The following ANKMY1 variants were observed in gnomAD, a reference collection of about 807,000 sequenced individuals.
The protein encoded by ANKMY1 is ankyrin repeat and MYND domain containing 1.
ANKMY1 carries 98 observed loss-of-function variants against 102.0 expected under a neutral mutation model. That is an observed-to-expected ratio of 0.96 (90% CI 0.82 to 1.14). The LOEUF (loss-of-function observed/expected upper bound fraction) is 1.14. Among genes scored for constraint, ANKMY1 ranks in the 50% most tolerant of loss-of-function variants. The pLI is 0.00. For synonymous variants in ANKMY1, 582 were observed against 559.9 expected, an observed-to-expected ratio of 1.04 and a Z score of -0.56; for missense variants, 1,330 against 1,347.6, an observed-to-expected ratio of 0.99 and a Z score of 0.20.
Position 240,525,552 on chromosome 2 carries a change from C to T in ANKMY1, c.1335+133G>A. 6.8e-6 allele frequency: 8 copies of T among 1,175,200 alleles called. No homozygotes were observed. The South Asian group carries it at 8.0e-5, about 12-fold the overall frequency. 72.8% of individuals were successfully genotyped at this position (1,175,200 alleles called of 1,614,324 possible). On this transcript the variant is annotated intron_variant, in intron 7 of 17. Transcript: ENST00000401804. ...GGATGCCCAGGCTCTGTCTCTCTTG[C>T]CCACTCCCTGCCTTATAACTCACCC...
At chr2:240,543,993 A>AC (rs2089669131) in intron 4 of ANKMY1, among the ~76,000 whole-genome samples, 1 of 152,210 alleles carries the variant, frequency 6.6e-6, no homozygotes, top group Admixed American at 6.5e-5. Context: ...AATTCTGTAT[A>AC]TAAAATATAC....
chr2:240,475,237 A>G (rs374888292), downstream of ANKMY1, among the ~76,000 whole-genome samples: 2 of 152,198 alleles, frequency 1.3e-5, no homozygotes, highest in Non-Finnish European at 2.9e-5. Context: ...AAGAGTGGAC[A>G]TGATCTCTTA....
chr2:240,501,695 C>T (rs1287006495), intron 13 of ANKMY1, among the ~76,000 whole-genome samples: 1 of 152,246 alleles, frequency 6.6e-6, no homozygotes, highest in Non-Finnish European at 1.5e-5. Flanking sequence ...CACAACGCCT[C>T]GGGCATGGCA....
chr2:240,474,477 G>A (rs185568687), downstream of ANKMY1, among the ~76,000 whole-genome samples: 1 of 151,972 alleles, frequency 6.6e-6, no homozygotes, highest in Non-Finnish European at 1.5e-5. Flanking sequence ...AGGTAAACTC[G>A]TGTCATGGGG....
chr2:240,557,189 C>T lies in ANKMY1; in HGVS notation c.146+1G>A, dbSNP rs764562522. The T allele has an allele frequency of 1.7e-5, 26 of 1,521,644 alleles. No individual in the cohort carries two copies. The South Asian group carries it at 3.0e-4, about 17-fold the overall frequency. The allele number at this position is 1,521,644 out of a possible 1,614,324, so 94.3% of individuals were successfully genotyped here. ...CCTCCCCGCTGGAGGGTCCCCCGCA[C>T]CTTGTGGCGAAGACAGCGTAGTTCT... On this transcript the variant is annotated splice_donor_variant, in intron 2 of 17. Transcript: ENST00000401804. LOFTEE classifies it high-confidence loss of function.
At chr2:240,495,411 T>C (rs2077128343) in intron 15 of ANKMY1, among the ~76,000 whole-genome samples, 1 of 152,198 alleles carries the variant, frequency 6.6e-6, no homozygotes, top group South Asian at 2.1e-4. Flanking sequence ...TCCACTTTCA[T>C]GTTCCACCCT....
chr2:240,481,006 T>G lies in ANKMY1; in HGVS notation c.2977A>C (p.Ser993Arg). 1 of 1,614,002 alleles carries G rather than the reference T, an allele frequency of 6.2e-7. No individual in the cohort carries two copies. The highest frequency in any genetic ancestry group is 8.5e-7 in the Non-Finnish European group (1 of 1,179,902). ...CAGGCCTTGGTCTTGCAGTACTTGC[T>G]GCAGGTCAGGATCCCGTAGCAGCGA... ...CPRCYGILTC[S>R]KYCKTKAWTE... Residue 993 changes from serine to arginine, a missense_variant, in exon 17 of 18, where the codon AGC becomes CGC. Ser to Arg is a moderately radical substitution (Grantham distance 110). Transcript: ENST00000401804.
Position 240,506,163 on chromosome 2 carries a change from C to T in ANKMY1, c.2526+1397G>A, listed in dbSNP as rs2079037486. On this transcript the variant is annotated intron_variant, in intron 13 of 17. Transcript: ENST00000401804. The surrounding 1 kb of genome is among the most constrained non-coding windows in gnomAD (Gnocchi z 4.9). Reference sequence around the variant, plus strand: ...ACCCCGGATGAGGCGCTGGGAGCCCCCAACCCCGGACGAAGGACTATTCTG... The same window carrying T: ...ACCCCGGATGAGGCGCTGGGAGCCCTCAACCCCGGACGAAGGACTATTCTG... Among the ~76,000 whole-genome samples, 1 of 152,150 alleles carries T rather than the reference C, an allele frequency of 6.6e-6. No homozygotes were observed. Among genetic ancestry groups the T allele is most frequent in the Admixed American group, 6.5e-5 (1 of 15,274 alleles).
intron 15 of ANKMY1, among the ~76,000 whole-genome samples, chr2:240,482,902 T>G (rs35732512): frequency 0.046 from 6,992 of 152,292 alleles, 200 homozygotes; most frequent in South Asian, 0.083. Flanking sequence ...CATTTCTGAC[T>G]ATTATTGTTG....
At chr2:240,512,547 C>T (rs962854694) in intron 10 of ANKMY1, among the ~76,000 whole-genome samples, 2 of 152,256 alleles carry the variant, frequency 1.3e-5, no homozygotes, top group Non-Finnish European at 2.9e-5. Flanking sequence ...GGGACCCCCA[C>T]GCCCTGTGGA....
chr2:240,526,848 A>T, intron 5 of ANKMY1: 1 of 1,168,624 alleles, frequency 8.6e-7, no homozygotes, highest in Non-Finnish European at 1.1e-6. Context: ...CCCTCTGCTC[A>T]TCCATTTTTG....
At chr2:240,477,430 T>TAGAGATG (rs1437393137), downstream of ANKMY1, among the ~76,000 whole-genome samples, 6 of 152,256 alleles carry the variant, frequency 3.9e-5, no homozygotes, top group African/African-American at 1.2e-4. Context: ...TTAGCATCTT[T>TAGAGATG]CTCTCATCCA....
intron 9 of ANKMY1, among the ~76,000 whole-genome samples, chr2:240,513,767 G>C (rs551146332): frequency 5.3e-5 from 8 of 152,244 alleles, no homozygotes; most frequent in Non-Finnish European, 7.3e-5. Flanking sequence ...TACTATCCCA[G>C]CTTGACAGCA....
chr2:240,555,071 CAGA>C lies in ANKMY1; in HGVS notation c.147-19_147-17del, dbSNP rs750918496. The stretch of plus-strand genomic sequence containing the variant: ...TGAAACATCCCTAAAAGGACAGGAG[CAGA>C]AGGAGGGAAGAGTGAAGTGGCTGCA... On this transcript the variant is annotated splice_polypyrimidine_tract_variant and intron_variant, in intron 2 of 17. Coordinates refer to ENST00000401804, the MANE Select transcript of ANKMY1 (RefSeq NM_001282771.3). 54 of 1,612,742 alleles carry C rather than the reference CAGA, an allele frequency of 3.3e-5. No homozygotes were observed. Among genetic ancestry groups the C allele is most frequent in the Admixed American group, 2.8e-4 (17 of 59,962 alleles).
chr2:240,560,587 G>A (rs1055551704), upstream of ANKMY1: 1 of 1,323,478 alleles, frequency 7.6e-7, no homozygotes, highest in Non-Finnish European at 9.6e-7. Context: ...GGGGGCGCCC[G>A]GCGGCCCGCC....
intron 4 of ANKMY1, among the ~76,000 whole-genome samples, chr2:240,535,316 T>G (rs2086455040): frequency 6.6e-6 from 1 of 152,230 alleles, no homozygotes; most frequent in East Asian, 1.9e-4. Flanking sequence ...ATTTTCTGGT[T>G]GACAATTGGT....
rs777607206 is a variant in ANKMY1, at chr2:240,512,909, C to T, written c.2038G>A (p.Ala680Thr). Reference protein sequence around the residue: ...STLTPLHIAAALPGEEGVQIV... With the variant: ...STLTPLHIAATLPGEEGVQIV... The stretch of plus-strand genomic sequence containing the variant: ...TGTACCCCCTCCTCCCCAGGAAGGG[C>T]GGCAGCGATGTGGAGTGGTGTCAGG... Residue 680 changes from alanine to threonine, a missense_variant, in exon 10 of 18, where the codon GCC becomes ACC. By Grantham distance (58) the Ala-to-Thr change is moderately conservative (BLOSUM62 0). Transcript: ENST00000401804. 29 of 1,613,826 alleles carry T rather than the reference C, an allele frequency of 1.8e-5. No homozygotes were observed. Among genetic ancestry groups the T allele is most frequent in the African/African-American group, 4.0e-5 (3 of 74,926 alleles).
At chr2:240,494,708 C>G (rs567260989) in intron 15 of ANKMY1, among the ~76,000 whole-genome samples, 12 of 152,246 alleles carry the variant, frequency 7.9e-5, no homozygotes, top group African/African-American at 2.6e-4. Context: ...TTCCATCCCA[C>G]AGTCTCCTGG....
At chr2:240,475,543 C>CT (rs1291737200), downstream of ANKMY1, among the ~76,000 whole-genome samples, 1 of 151,770 alleles carries the variant, frequency 6.6e-6, no homozygotes, top group Non-Finnish European at 1.5e-5. Context: ...AAATAAAATA[C>CT]TTAGCAATAA....
Sources: allele counts gnomAD v4.1 joint callset (sites outside exome capture counted in the v4.1 genomes callset), GRCh38; gene constraint gnomAD v4.1.1; non-coding constraint Gnocchi (gnomAD v3.1); transcripts MANE v1.5; gene names NCBI Gene and HGNC (gene_info 2026-07-23, HGNC 2026-07-21).